The following MAP3K13 variants were observed in gnomAD, a reference collection of about 807,000 sequenced individuals.
MAP3K13 encodes the protein leucine zipper-bearing kinase.
MAP3K13 carries 52 observed loss-of-function variants against 104.0 expected under a neutral mutation model. The observed-to-expected ratio is 0.50, with a 90% CI of 0.40 to 0.63. MAP3K13 has a LOEUF of 0.63. MAP3K13 is among the 20% of genes least tolerant of loss of function. The pLI is 0.00. For synonymous variants in MAP3K13, 394 were observed against 442.2 expected (o/e 0.89, Z 1.37); for missense variants, 914 against 1,218.5 (o/e 0.75, Z 3.72).
chr3:185,480,455 A>C lies in MAP3K13; in HGVS notation c.2725A>C (p.Lys909Gln). The C allele has an allele frequency of 6.2e-7, 1 of 1,614,188 alleles. No homozygotes were observed. Among genetic ancestry groups the C allele is most frequent in the Non-Finnish European group, 8.5e-7 (1 of 1,180,040 alleles). ...ISSHSDGLSD[K>Q]ECAVRRVKTQ... is the part of the protein sequence containing the mutation. ...CTCACACTCGGATGGGCTCTCTGACAAGGAGTGTGCCGTGCGCCGTGTGAA... is the reference window on the plus strand; with the variant it reads ...CTCACACTCGGATGGGCTCTCTGACCAGGAGTGTGCCGTGCGCCGTGTGAA... The change falls in exon 13 of 14, where the codon AAG becomes CAG. Residue 909 changes from lysine (K) to glutamine (Q), a missense_variant. By Grantham distance (53) the Lys-to-Gln change is moderately conservative. Transcript: ENST00000265026.
At chr3:185,444,041 A>G (rs1229257086) in intron 4 of MAP3K13, among the ~76,000 whole-genome samples, 1 of 152,198 alleles carries the variant, frequency 6.6e-6, no homozygotes, top group Non-Finnish European at 1.5e-5. Context: ...ATGGATAAAT[A>G]AGAAACAGGC....
chr3:185,455,229 A>G (rs1420917135), intron 7 of MAP3K13, among the ~76,000 whole-genome samples: 12 of 61,134 alleles, frequency 2.0e-4, no homozygotes, highest in African/African-American at 5.5e-4. Context: ...TATATGATAT[A>G]TATGAGATAT....
chr3:185,419,667 A>G (rs1714008479), intron 1 of MAP3K13, among the ~76,000 whole-genome samples: 1 of 152,152 alleles, frequency 6.6e-6, no homozygotes, highest in Non-Finnish European at 1.5e-5. Flanking sequence ...TTTTTAAAAC[A>G]TTTAAAGTTA....
At chr3:185,367,455 G>T (rs1266314380) in intron 1 of MAP3K13, among the ~76,000 whole-genome samples, 1 of 152,160 alleles carries the variant, frequency 6.6e-6, no homozygotes. Flanking sequence ...GAAAAGGAGG[G>T]AAGAAAGGAA....
At chr3:185,366,808 T>G (rs939973586) in intron 1 of MAP3K13, among the ~76,000 whole-genome samples, 1 of 152,218 alleles carries the variant, frequency 6.6e-6, no homozygotes, top group African/African-American at 2.4e-5. Context: ...GACTTGCAAG[T>G]GTCCTTTATA....
In MAP3K13 at chr3:185,447,494, CAAAAAAAAA is replaced by C. The variant is rs1178155454; in HGVS notation, c.852-275_852-267del. ...GGGCGGCAAGAGTGAAACTCTGTCT[CAAAAAAAAA>C]AAAAAAAAAAAAAAAAAAAGAGTTA... On this transcript the variant is annotated intron_variant, in intron 4 of 13. Coordinates refer to ENST00000265026, the MANE Select transcript of MAP3K13 (RefSeq NM_004721.5). Among the ~76,000 whole-genome samples, 230 of 28,416 alleles carry C rather than the reference CAAAAAAAAA, an allele frequency of 8.1e-3. 4 individuals are homozygous for C. The highest frequency in any genetic ancestry group is 0.036 in the Middle Eastern group (1 of 28). 18.6% of individuals were successfully genotyped at this position (28,416 alleles called of 152,430 possible).
intron 10 of MAP3K13, among the ~76,000 whole-genome samples, chr3:185,469,734 T>G (rs1717667249): frequency 6.6e-6 from 1 of 152,246 alleles, no homozygotes; most frequent in South Asian, 2.1e-4. Context: ...CTTGTTATAC[T>G]TGCAGGCTCT....
At chr3:185,442,254 C>G (rs964532842) in intron 3 of MAP3K13, among the ~76,000 whole-genome samples, 8 of 151,522 alleles carry the variant, frequency 5.3e-5, no homozygotes, top group Non-Finnish European at 8.8e-5. Flanking sequence ...CTGGGTGTTC[C>G]CACTCACGGG....
intron 1 of MAP3K13, among the ~76,000 whole-genome samples, chr3:185,392,099 G>T (rs545040373): frequency 6.0e-4 from 92 of 152,260 alleles, no homozygotes; most frequent in African/African-American, 2.1e-3. Context: ...ACAATAGCAG[G>T]TTTGAACATG....
intron 2 of MAP3K13, among the ~76,000 whole-genome samples, chr3:185,337,307 G>T (rs1038801432): frequency 3.3e-5 from 5 of 152,152 alleles, no homozygotes; most frequent in Non-Finnish European, 5.9e-5. Context: ...AAATACACTT[G>T]CAATACAAAC....
chr3:185,474,231 C>T (rs1056754768), intron 11 of MAP3K13, among the ~76,000 whole-genome samples: 10 of 152,132 alleles, frequency 6.6e-5, no homozygotes, highest in African/African-American at 2.4e-4. Context: ...GAGACTGAGG[C>T]ATGAGAATTG....
At chr3:185,437,675 T>C in intron 3 of MAP3K13, 45 bp downstream of exon 3, 1 of 1,519,608 alleles carries the variant, frequency 6.6e-7, no homozygotes, top group Non-Finnish European at 8.9e-7. Flanking sequence ...CTATTTTCTT[T>C]CCCCCAATAT....
intron 1 of MAP3K13, among the ~76,000 whole-genome samples, chr3:185,422,683 C>G (rs1714197850): frequency 6.6e-6 from 1 of 152,200 alleles, no homozygotes; most frequent in South Asian, 2.1e-4. Context: ...ATAAATCACA[C>G]AAGTAAGTGT....
chr3:185,399,064 T>C (rs1712600883), intron 1 of MAP3K13, among the ~76,000 whole-genome samples: 1 of 152,180 alleles, frequency 6.6e-6, no homozygotes, highest in Admixed American at 6.5e-5. Context: ...TCGCATCCTT[T>C]AGCCATCAGT....
At chr3:185,293,315 G>A (rs111785605) in intron 2 of MAP3K13, among the ~76,000 whole-genome samples, 21 of 151,000 alleles carry the variant, frequency 1.4e-4, no homozygotes, top group African/African-American at 2.2e-4. Context: ...ATGGGGTTTC[G>A]CCATGTTGGC....
chr3:185,377,122 T>A (rs575259057), intron 1 of MAP3K13, among the ~76,000 whole-genome samples: 2 of 152,206 alleles, frequency 1.3e-5, no homozygotes, highest in South Asian at 4.1e-4. Flanking sequence ...CAAGACAATT[T>A]GGTTGATAAG....
At chr3:185,415,732 T>C (rs1713730001) in intron 1 of MAP3K13, among the ~76,000 whole-genome samples, 1 of 151,904 alleles carries the variant, frequency 6.6e-6, no homozygotes, top group South Asian at 2.1e-4. Context: ...TACAGGCATG[T>C]GCCACCACAC....
At chr3:185,294,862 C>A (rs1366552209) in intron 2 of MAP3K13, among the ~76,000 whole-genome samples, 1 of 152,186 alleles carries the variant, frequency 6.6e-6, no homozygotes, top group African/African-American at 2.4e-5. Context: ...TTGCAAAATT[C>A]TGTCTTTTCT....
Position 185,451,504 on chromosome 3 carries a change from C to T in MAP3K13, c.1278+109C>T. The T allele has an allele frequency of 3.4e-5, 24 of 708,624 alleles. No homozygotes were observed. In the South Asian group the frequency reaches 4.0e-4, roughly 12 times the overall value. The allele number at this position is 708,624 out of a possible 1,614,324, so 43.9% of individuals were successfully genotyped here. The stretch of plus-strand genomic sequence containing the variant: ...TGTGTTTGTTATAATAGTTATATAA[C>T]TCCATTCATTGTGACACAATAAATA... On this transcript the variant is annotated intron_variant, in intron 7 of 13. Transcript: ENST00000265026.
Sources: gnomAD v4.1 joint callset for allele counts (sites outside exome capture counted in the v4.1 genomes callset) on GRCh38, gnomAD v4.1.1 for gene constraint, MANE v1.5 for transcripts, NCBI Gene and HGNC (gene_info 2026-07-23, HGNC 2026-07-21) for gene names.